Variants in DPP10 observed in about 807,000 individuals in gnomAD.
DPP10 encodes the protein inactive dipeptidyl peptidase 10.
In DPP10, 33 loss-of-function variants were observed where a neutral mutation model predicts 120.9. That is an observed-to-expected ratio of 0.27 (90% CI 0.21 to 0.37). The LOEUF (loss-of-function observed/expected upper bound fraction) is 0.37. DPP10 is among the 10% of genes least tolerant of loss of function. DPP10 has a pLI of 1.00. For missense variants in DPP10, 816 were observed against 942.8 expected (o/e 0.87, Z 1.76); for synonymous variants, 337 against 326.1 (o/e 1.03, Z -0.36).
At position 115,777,234 on chromosome 2, in the gene DPP10, G is replaced by T; in HGVS notation, c.1248G>T (p.Arg416=). 2 of 1,612,992 alleles carry T rather than the reference G, an allele frequency of 1.2e-6. No homozygotes were observed. The highest frequency in any genetic ancestry group is 1.7e-6 in the Non-Finnish European group (2 of 1,179,260). ...IQSKSEQITV[R]HLTSGNWEVI... is the part of the protein sequence containing the mutation. ...GTAAAAGTGAGCAAATTACCGTGCG[G>T]CATCTGACATCAGGAAACTGGGAAG... The change falls in exon 14 of 26, where the codon CGG becomes CGT. Residue 416 remains arginine, a synonymous_variant. Coordinates refer to ENST00000410059, the MANE Select transcript of DPP10 (RefSeq NM_020868.6).
intron 1 of DPP10, among the ~76,000 whole-genome samples, chr2:115,258,715 C>A (rs942843955): frequency 1.3e-5 from 2 of 151,842 alleles, no homozygotes; most frequent in Non-Finnish European, 2.9e-5. Context: ...TGAGACCAGC[C>A]TGGATAACAT....
intron 1 of DPP10, among the ~76,000 whole-genome samples, chr2:115,171,358 C>CAAAAAAAAAAAAAAA (rs752738778): frequency 1.7e-5 from 2 of 114,388 alleles, no homozygotes. Flanking sequence ...GAGACTCCAT[C>CAAAAAAAAAAAAAAA]AAAAAAAAAA....
intron 1 of DPP10, among the ~76,000 whole-genome samples, chr2:114,815,163 CAT>C (rs1409412380): frequency 5.9e-5 from 9 of 152,332 alleles, no homozygotes; most frequent in African/African-American, 1.9e-4. Context: ...AAGCGAGTCT[CAT>C]GTGGGCATTT....
chr2:115,065,805 ATT>A (rs1706791075), intron 1 of DPP10, among the ~76,000 whole-genome samples: 1 of 152,204 alleles, frequency 6.6e-6, no homozygotes, highest in Non-Finnish European at 1.5e-5. Context: ...CAGTGCACTA[ATT>A]AATTTTACAT....
chr2:114,655,352 G>A (rs897857972), intron 1 of DPP10, among the ~76,000 whole-genome samples: 16 of 152,122 alleles, frequency 1.1e-4, no homozygotes, highest in African/African-American at 2.7e-4. Context: ...AACGTGTGGC[G>A]TTTAAAGAAA....
intron 4 of DPP10, among the ~76,000 whole-genome samples, chr2:115,505,183 ATGAG>A (rs1290713504): frequency 1.3e-5 from 2 of 152,082 alleles, no homozygotes; most frequent in African/African-American, 4.8e-5. Flanking sequence ...ATATTGTTAA[ATGAG>A]TAAGTCATCC....
intron 1 of DPP10, among the ~76,000 whole-genome samples, chr2:114,526,300 G>C (rs888032865): frequency 2.0e-5 from 3 of 152,152 alleles, no homozygotes; most frequent in Non-Finnish European, 4.4e-5. Context: ...CTCCTTGCTT[G>C]TTTCCCGTTC....
At chr2:114,938,143 G>A (rs960536785) in intron 1 of DPP10, among the ~76,000 whole-genome samples, 4 of 152,120 alleles carry the variant, frequency 2.6e-5, no homozygotes, top group African/African-American at 9.7e-5. Flanking sequence ...TTTATCCACA[G>A]ACTATATACA....
chr2:114,533,622 T>G (rs1686235992), intron 1 of DPP10, among the ~76,000 whole-genome samples: 1 of 151,766 alleles, frequency 6.6e-6, no homozygotes, highest in Non-Finnish European at 1.5e-5. Context: ...GAACTAAAAA[T>G]AAAAATTAAA....
intron 1 of DPP10, among the ~76,000 whole-genome samples, chr2:114,987,347 A>G (rs1700467089): frequency 1.3e-5 from 2 of 152,210 alleles, no homozygotes; most frequent in African/African-American, 4.8e-5. Context: ...AAATTTCATC[A>G]CATTTTTAAA....
intron 1 of DPP10, among the ~76,000 whole-genome samples, chr2:114,989,517 T>C (rs1700630356): frequency 6.6e-6 from 1 of 152,200 alleles, no homozygotes; most frequent in Non-Finnish European, 1.5e-5. Flanking sequence ...TGTAAAGGTC[T>C]TGATATCCTG....
chr2:115,140,935 A>AAC (rs905269027), intron 1 of DPP10, among the ~76,000 whole-genome samples: 15 of 151,700 alleles, frequency 9.9e-5, no homozygotes, highest in Admixed American at 3.9e-4. Context: ...TGAAAAAAAA[A>AAC]AAAAAACTAA....
chr2:114,685,253 C>G (rs141462846), intron 1 of DPP10, among the ~76,000 whole-genome samples: 1 of 151,880 alleles, frequency 6.6e-6, no homozygotes, highest in African/African-American at 2.4e-5. Flanking sequence ...TCCTCACTCC[C>G]GTAACTCATG....
At chr2:114,622,544 T>G (rs112153193) in intron 1 of DPP10, among the ~76,000 whole-genome samples, 4 of 152,240 alleles carry the variant, frequency 2.6e-5, no homozygotes, top group African/African-American at 9.6e-5. Flanking sequence ...TTTGTAGGAC[T>G]GTCCCACCTC....
chr2:114,588,452 A>C (rs375369710), intron 1 of DPP10, among the ~76,000 whole-genome samples: 1 of 152,228 alleles, frequency 6.6e-6, no homozygotes, highest in African/African-American at 2.4e-5. Flanking sequence ...ATAGCATTGC[A>C]GGATGACTAT....
chr2:115,012,180 T>C (rs1255280810), intron 1 of DPP10, among the ~76,000 whole-genome samples: 4 of 151,932 alleles, frequency 2.6e-5, no homozygotes, highest in Admixed American at 2.6e-4. Flanking sequence ...TCCCTGCCCC[T>C]ACCCTGTGGT....
At chr2:115,413,907 T>A (rs1481970918) in intron 3 of DPP10, among the ~76,000 whole-genome samples, 2 of 94,304 alleles carry the variant, frequency 2.1e-5, no homozygotes, top group African/African-American at 6.8e-5. Flanking sequence ...ACACCTTCTC[T>A]CAATAATTTT....
chr2:115,170,280 A>G (rs551221937), intron 1 of DPP10, among the ~76,000 whole-genome samples: 81 of 152,354 alleles, frequency 5.3e-4, no homozygotes, highest in African/African-American at 1.7e-3. Flanking sequence ...ATGTTTTAAA[A>G]CAAGTACTAG....
chr2:115,083,066 G>A (rs1708406078), intron 1 of DPP10, among the ~76,000 whole-genome samples: 1 of 152,094 alleles, frequency 6.6e-6, no homozygotes, highest in African/African-American at 2.4e-5. Context: ...CTCTTTTAGT[G>A]TCTATGACAC....
Sources: gnomAD v4.1 joint callset for allele counts (sites outside exome capture counted in the v4.1 genomes callset) on GRCh38, gnomAD v4.1.1 for gene constraint, MANE v1.5 for transcripts, NCBI Gene and HGNC (gene_info 2026-07-23, HGNC 2026-07-21) for gene names.